TLR4: variants seen among roughly 807,000 people sequenced by gnomAD.
TLR4 encodes the protein toll-like receptor 4.
A neutral mutation model predicts 27.4 loss-of-function variants in TLR4; 17 were observed. The ratio of observed to expected loss-of-function variants is 0.62; its 90% CI spans 0.42 to 0.93. TLR4 has a LOEUF of 0.93. Ranked by LOEUF, TLR4 falls within the 40% of genes least tolerant of loss-of-function variation. The probability of loss-of-function intolerance (pLI) is 0.00; values close to 1 mark genes in which losing one functional copy is unlikely to be tolerated. For synonymous variants in TLR4, 363 were observed against 365.7 expected (o/e 0.99, Z 0.08); for missense variants, 926 against 962.3 (o/e 0.96, Z 0.50).
In TLR4 at chr9:117,715,097, G is replaced by A. The variant is rs201521265; in HGVS notation, c.*449G>A. Reference sequence around the variant, plus strand: ...ACAATTTAAATTCTACTTGATGACTGCAGTCGTCAAGGGGCTCCTGATGCA... The same window carrying A: ...ACAATTTAAATTCTACTTGATGACTACAGTCGTCAAGGGGCTCCTGATGCA... On this transcript the variant is annotated 3_prime_UTR_variant, in exon 3 of 3. Transcript: ENST00000355622. The A allele has an allele frequency of 1.4e-4, 27 of 197,116 alleles. No individual in the cohort carries two copies. Among genetic ancestry groups the A allele is most frequent in the Non-Finnish European group, 2.2e-4 (21 of 93,854 alleles). 12.2% of individuals were successfully genotyped at this position (197,116 alleles called of 1,614,324 possible).
Position 117,714,923 on chromosome 9 carries a change from C to T in TLR4, c.*275C>T, listed in dbSNP as rs200140545. 2 of 491,876 alleles carry T rather than the reference C, an allele frequency of 4.1e-6. No individual in the cohort carries two copies. The highest frequency in any genetic ancestry group is 3.9e-5 in the African/African-American group (2 of 51,716). The allele number at this position is 491,876 out of a possible 1,614,324, so 30.5% of individuals were successfully genotyped here. A position where few individuals can be genotyped will look rare whatever the true frequency, so the allele number is the denominator to read the frequency against. ...AAAGTCATTTCAACTCTTACCTCAT[C>T]AAGTTGAATAAAGACAGAGAAAACA... On this transcript the variant is annotated 3_prime_UTR_variant, in exon 3 of 3. Coordinates refer to ENST00000355622, the MANE Select transcript of TLR4 (RefSeq NM_138554.5).
chr9:117,706,650 AG>A (rs1317636448), intron 1 of TLR4, among the ~76,000 whole-genome samples: 1 of 152,136 alleles, frequency 6.6e-6, no homozygotes, highest in Non-Finnish European at 1.5e-5. Flanking sequence ...TCCTCTCCTT[AG>A]GACATGTTTT....
In TLR4 at chr9:117,723,351, T is replaced by C. The variant is rs961491692; in HGVS notation, c.*8703T>C. The stretch of plus-strand genomic sequence containing the variant: ...CTCATTTCTGAAAAGGATTAAGCTA[T>C]CAACCCCATTGAGTTATAGGTGAAA... On this transcript the variant is annotated 3_prime_UTR_variant, in exon 3 of 3. Transcript: ENST00000355622. 2 of 152,198 alleles carry C rather than the reference T, an allele frequency of 1.3e-5. No homozygotes were observed. Among genetic ancestry groups the C allele is most frequent in the Non-Finnish European group, 2.9e-5 (2 of 68,028 alleles). The allele number at this position is 152,198 out of a possible 1,614,324, so 9.4% of individuals were successfully genotyped here.
chr9:117,713,129 A>G lies in TLR4; in HGVS notation c.1001A>G (p.His334Arg), dbSNP rs769917491. Residue 334 changes from histidine (H) to arginine (R), a missense_variant, in exon 3 of 3, where the codon CAT (histidine) becomes CGT (arginine). His to Arg is a conservative substitution (Grantham distance 29). Transcript: ENST00000355622. Reference sequence around the variant, plus strand: ...TTTTCTTATAATTTCGGATGGCAACATTTAGAATTAGTTAACTGTAAATTT... The same window carrying G: ...TTTTCTTATAATTTCGGATGGCAACGTTTAGAATTAGTTAACTGTAAATTT... ...KDFSYNFGWQ[H>R]LELVNCKFGQ... 6.2e-7 allele frequency: 1 copy of G among 1,612,854 alleles called. No individual in the cohort carries two copies. The highest frequency in any genetic ancestry group is 8.5e-7 in the Non-Finnish European group (1 of 1,179,186).
rs957637673 is a variant in TLR4, at chr9:117,714,741, G to C, written c.*93G>C. ...AGTATTAAATGCTGCCACATGTCAG[G>C]CCTTATGCTAAGGGTGAGTAATTCC... is the stretch of plus-strand genomic sequence containing the variant. On this transcript the variant is annotated 3_prime_UTR_variant, in exon 3 of 3. Coordinates refer to ENST00000355622, the MANE Select transcript of TLR4 (RefSeq NM_138554.5). 1 of 1,110,150 alleles carries C rather than the reference G, an allele frequency of 9.0e-7. No homozygotes were observed. Among genetic ancestry groups the C allele is most frequent in the African/African-American group, 1.5e-5 (1 of 65,038 alleles). The allele number at this position is 1,110,150 out of a possible 1,614,324, so 68.8% of individuals were successfully genotyped here. A position where few individuals can be genotyped will look rare whatever the true frequency, so the allele number is the denominator to read the frequency against.
Position 117,720,464 on chromosome 9 carries a change from C to T in TLR4, c.*5816C>T, listed in dbSNP as rs2131180092. The T allele has an allele frequency of 6.6e-6, 1 of 152,172 alleles. No individual in the cohort carries two copies. The highest frequency in any genetic ancestry group is 2.4e-5 in the African/African-American group (1 of 41,520). 9.4% of individuals were successfully genotyped at this position (152,172 alleles called of 1,614,324 possible). A position where few individuals can be genotyped will look rare whatever the true frequency, so the allele number is the denominator to read the frequency against. The stretch of plus-strand genomic sequence containing the variant: ...AGTGACAATTCTGAGTGTAAATGCG[C>T]TTTTTGGCACAAATTGTCCTGTCCT... On this transcript the variant is annotated 3_prime_UTR_variant, in exon 3 of 3. Transcript: ENST00000355622.
rs1464105640 is a variant in TLR4, at chr9:117,715,503, CTT to C, written c.*858_*859del. The C allele has an allele frequency of 3.3e-5, 5 of 152,256 alleles. No individual in the cohort carries two copies. Among genetic ancestry groups the C allele is most frequent in the South Asian group, 2.1e-4 (1 of 4,828 alleles). 9.4% of individuals were successfully genotyped at this position (152,256 alleles called of 1,614,324 possible). ...AAATAATTTGTTTAAAGGGGGCACT[CTT>C]TTAAACGGGAAGAAAATTTCCGCTT... On this transcript the variant is annotated 3_prime_UTR_variant, in exon 3 of 3. Transcript: ENST00000355622.
In TLR4 at chr9:117,714,073, G is replaced by A. The variant is rs1829294995; in HGVS notation, c.1945G>A (p.Val649Ile). Reference protein sequence around the residue: ...LSVLVVSVVAVLVYKFYFHLM... With the variant: ...LSVLVVSVVAILVYKFYFHLM... ...TGTGCTTGTAGTATCTGTTGTAGCA[G>A]TTCTGGTCTATAAGTTCTATTTTCA... Residue 649 changes from valine to isoleucine, a missense_variant, in exon 3 of 3, where the codon GTT (valine) becomes ATT (isoleucine). Val to Ile is a conservative substitution (Grantham distance 29). Transcript: ENST00000355622. 6.2e-7 allele frequency: 1 copy of A among 1,614,032 alleles called. No individual in the cohort carries two copies. Among genetic ancestry groups the A allele is most frequent in the Non-Finnish European group, 8.5e-7 (1 of 1,179,988 alleles).
rs1399857494 is a variant in TLR4 at position 117,723,912 on chromosome 9, AC to A, written c.*9268del. The A allele has an allele frequency of 6.6e-6, 1 of 152,066 alleles. No individual in the cohort carries two copies. The highest frequency in any genetic ancestry group is 1.5e-5 in the Non-Finnish European group (1 of 68,030). 9.4% of individuals were successfully genotyped at this position (152,066 alleles called of 1,614,324 possible). ...CTGTTAGTCACAGAGGTACCATTCG[AC>A]CCCTTGTGCCTCTTACCATATGTGA... On this transcript the variant is annotated 3_prime_UTR_variant, in exon 3 of 3. Coordinates refer to ENST00000355622, the MANE Select transcript of TLR4 (RefSeq NM_138554.5).
rs1829444844 is a variant in TLR4 at position 117,723,483 on chromosome 9, G to A, written c.*8835G>A. On this transcript the variant is annotated 3_prime_UTR_variant, in exon 3 of 3. Coordinates refer to ENST00000355622, the MANE Select transcript of TLR4 (RefSeq NM_138554.5). ...TGCTCTTTGGTCTCTGTTTATCTAT[G>A]AGATAACGTTATTTTTACGCTGTCT... is the stretch of plus-strand genomic sequence containing the variant. The A allele has an allele frequency of 6.6e-6, 1 of 152,130 alleles. No individual in the cohort carries two copies. Among genetic ancestry groups the A allele is most frequent in the African/African-American group, 2.4e-5 (1 of 41,428 alleles). The allele number at this position is 152,130 out of a possible 1,614,324, so 9.4% of individuals were successfully genotyped here. A position where few individuals can be genotyped will look rare whatever the true frequency, so the allele number is the denominator to read the frequency against.
Position 117,712,702 on chromosome 9 carries a change from T to C in TLR4, c.574T>C (p.Cys192Arg). ...LSSNKIQSIY[C>R]TDLRVLHQMP... ...CAGCAACAAGATTCAAAGTATTTAT[T>C]GCACAGACTTGCGGGTTCTACATCA... The change falls in exon 3 of 3, where the codon TGC (cysteine) becomes CGC (arginine). Residue 192 changes from cysteine to arginine, a missense_variant. Coordinates refer to ENST00000355622, the MANE Select transcript of TLR4 (RefSeq NM_138554.5). 6.2e-7 allele frequency: 1 copy of C among 1,614,164 alleles called. No homozygotes were observed. Among genetic ancestry groups the C allele is most frequent in the Non-Finnish European group, 8.5e-7 (1 of 1,180,022 alleles).
chr9:117,705,828 T>C (rs567214142), intron 1 of TLR4, among the ~76,000 whole-genome samples: 9 of 152,312 alleles, frequency 5.9e-5, no homozygotes, highest in Admixed American at 5.9e-4. Flanking sequence ...AACTCTCCAT[T>C]GCCATTAGAA....
In TLR4 at chr9:117,723,445, C is replaced by T. The variant is rs111934758; in HGVS notation, c.*8797C>T. On this transcript the variant is annotated 3_prime_UTR_variant, in exon 3 of 3. Coordinates refer to ENST00000355622, the MANE Select transcript of TLR4 (RefSeq NM_138554.5). The stretch of plus-strand genomic sequence containing the variant: ...AACAGGCTGTTGAACAAAGGCAAAT[C>T]TCTTGATCTCTTTGCTCTTTGGTCT... 2.6e-5 allele frequency: 4 copies of T among 152,294 alleles called. No homozygotes were observed. Among genetic ancestry groups the T allele is most frequent in the African/African-American group, 9.6e-5 (4 of 41,560 alleles). The allele number at this position is 152,294 out of a possible 1,614,324, so 9.4% of individuals were successfully genotyped here.
Position 117,722,828 on chromosome 9 carries a change from A to G in TLR4, c.*8180A>G, listed in dbSNP as rs1356619860. Reference sequence around the variant, plus strand: ...ATGATTTTATGTGGTTGACAGATGAATGTATTACCTTTAGTGGTTATATGT... The same window carrying G: ...ATGATTTTATGTGGTTGACAGATGAGTGTATTACCTTTAGTGGTTATATGT... On this transcript the variant is annotated 3_prime_UTR_variant, in exon 3 of 3. Coordinates refer to ENST00000355622, the MANE Select transcript of TLR4 (RefSeq NM_138554.5). 2 of 152,168 alleles carry G rather than the reference A, an allele frequency of 1.3e-5. No homozygotes were observed. Among genetic ancestry groups the G allele is most frequent in the Non-Finnish European group, 1.5e-5 (1 of 68,016 alleles). 9.4% of individuals were successfully genotyped at this position (152,168 alleles called of 1,614,324 possible).
chr9:117,714,548 T>G lies in TLR4; in HGVS notation c.2420T>G (p.Phe807Cys). 1 of 1,613,938 alleles carries G rather than the reference T, an allele frequency of 6.2e-7. No homozygotes were observed. ...WEDSVLGRHIFWRRLRKALLD... is the reference protein window; with the variant it reads ...WEDSVLGRHICWRRLRKALLD... ...GACAGTGTCCTGGGGCGGCACATCT[T>G]CTGGAGACGACTCAGAAAAGCCCTG... The change falls in exon 3 of 3, where the codon TTC becomes TGC. Residue 807 changes from phenylalanine (F) to cysteine (C), a missense_variant. Coordinates refer to ENST00000355622, the MANE Select transcript of TLR4 (RefSeq NM_138554.5).
At position 117,714,870 on chromosome 9, in the gene TLR4, C is replaced by A; in HGVS notation, c.*222C>A. Reference sequence around the variant, plus strand: ...GAGTCTTCCAGGTGGGCATTTCAACCAACTCAGTCAAGGAACCCATGACAA... The same window carrying A: ...GAGTCTTCCAGGTGGGCATTTCAACAAACTCAGTCAAGGAACCCATGACAA... On this transcript the variant is annotated 3_prime_UTR_variant, in exon 3 of 3. Transcript: ENST00000355622. The A allele has an allele frequency of 1.7e-6, 1 of 579,846 alleles. No individual in the cohort carries two copies. Among genetic ancestry groups the A allele is most frequent in the African/African-American group, 1.9e-5 (1 of 53,516 alleles). 35.9% of individuals were successfully genotyped at this position (579,846 alleles called of 1,614,324 possible). A position where few individuals can be genotyped will look rare whatever the true frequency, so the allele number is the denominator to read the frequency against.
At chr9:117,710,533 A>G (rs945356071) in intron 2 of TLR4, among the ~76,000 whole-genome samples, 1 of 151,802 alleles carries the variant, frequency 6.6e-6, no homozygotes, top group Non-Finnish European at 1.5e-5. Flanking sequence ...CTGGATACCC[A>G]ATAAACTTGC....
In TLR4 at chr9:117,714,076, C is replaced by G; in HGVS notation, c.1948C>G (p.Leu650Val). Reference protein sequence around the residue: ...SVLVVSVVAVLVYKFYFHLML... With the variant: ...SVLVVSVVAVVVYKFYFHLML... ...GCTTGTAGTATCTGTTGTAGCAGTT[C>G]TGGTCTATAAGTTCTATTTTCACCT... Residue 650 changes from leucine to valine, a missense_variant, in exon 3 of 3, where the codon CTG (leucine) becomes GTG (valine). Transcript: ENST00000355622. 1.9e-6 allele frequency: 3 copies of G among 1,613,984 alleles called. No homozygotes were observed. The highest frequency in any genetic ancestry group is 2.5e-6 in the Non-Finnish European group (3 of 1,179,998).
rs777803994 is a variant in TLR4, at chr9:117,714,533, T to A, written c.2405T>A (p.Leu802Gln). The change falls in exon 3 of 3, where the codon CTG (leucine) becomes CAG (glutamine). Residue 802 changes from leucine to glutamine, a missense_variant. By Grantham distance (113) the Leu-to-Gln change is moderately radical. Transcript: ENST00000355622. ...NTYLEWEDSV[L>Q]GRHIFWRRLR... Reference sequence around the variant, plus strand: ...TACCTGGAGTGGGAGGACAGTGTCCTGGGGCGGCACATCTTCTGGAGACGA... The same window carrying A: ...TACCTGGAGTGGGAGGACAGTGTCCAGGGGCGGCACATCTTCTGGAGACGA... 1 of 1,613,868 alleles carries A rather than the reference T, an allele frequency of 6.2e-7. No homozygotes were observed.
Sources: allele counts gnomAD v4.1 joint callset (sites outside exome capture counted in the v4.1 genomes callset), GRCh38; gene constraint gnomAD v4.1.1; transcripts MANE v1.5; gene names NCBI Gene and HGNC (gene_info 2026-07-23, HGNC 2026-07-21).